NOC3L: variants seen among roughly 807,000 people sequenced by gnomAD.
NOC3L encodes nucleolar complex protein 3 homolog.
In NOC3L, 85 loss-of-function variants were observed where a neutral mutation model predicts 102.5. The observed-to-expected ratio is 0.83, with a 90% CI of 0.70 to 0.99. NOC3L has a LOEUF of 0.99. Ranked by LOEUF, NOC3L falls within the 50% of genes least tolerant of loss-of-function variation. The pLI is 0.00. For missense variants in NOC3L, 878 were observed against 914.9 expected (o/e 0.96, Z 0.52); for synonymous variants, 303 against 309.4 (o/e 0.98, Z 0.22).
At chr10:94,318,987 G>A in the NOC3L span, among the ~76,000 whole-genome samples, 1 of 152,198 alleles carries the variant, frequency 6.6e-6, no homozygotes, top group Non-Finnish European at 1.5e-5. Context: ...GGCAGAGGTT[G>A]CAGTGAGCCA....
chr10:94,322,159 C>A, the NOC3L span: 1 of 1,131,420 alleles, frequency 8.8e-7, no homozygotes, highest in East Asian at 2.4e-5. Context: ...TGAAGTTCCT[C>A]AACAACAGGG....
At chr10:94,334,754 C>CA (rs771851272) in intron 19 of NOC3L, 36 bp from the exon 20 acceptor site, 1 of 1,363,472 alleles carries the variant, frequency 7.3e-7, no homozygotes, top group South Asian at 1.2e-5. Flanking sequence ...AAGATACCAC[C>CA]ACATCTGTGT....
chr10:94,324,390 C>T, the NOC3L span: 2 of 1,614,042 alleles, frequency 1.2e-6, no homozygotes, highest in Admixed American at 3.3e-5. Flanking sequence ...TCCTGAGCAA[C>T]CCCAATCCAA....
downstream of NOC3L, chr10:94,328,991 G>C (rs948011318): frequency 1.3e-5 from 2 of 152,090 alleles, no homozygotes; most frequent in African/African-American, 4.8e-5. Flanking sequence ...TATTTTGCAA[G>C]GTTTGTACTG....
intron 3 of NOC3L, 193 bp from the exon 4 acceptor site, chr10:94,357,524 T>G (rs896448069): frequency 1.0e-5 from 4 of 396,826 alleles, no homozygotes; most frequent in African/African-American, 8.3e-5. Context: ...GTAAACAACC[T>G]ACCATACAAA....
chr10:94,334,494 C>T, intron 20 of NOC3L, 140 bp downstream of exon 20: 1 of 686,486 alleles, frequency 1.5e-6, no homozygotes. Flanking sequence ...GAATTTCAAC[C>T]TCAGAAATCC....
chr10:94,341,431 T>C (rs570763661), intron 14 of NOC3L, among the ~76,000 whole-genome samples: 207 of 139,900 alleles, frequency 1.5e-3, no homozygotes, highest in Middle Eastern at 3.7e-3. Context: ...TGCATCAATT[T>C]AAAAAAAAAA....
In NOC3L at chr10:94,357,156, C is replaced by A; in HGVS notation, c.508+18G>T. ...GGGGGTAAAAGTTCAACTAATATTA[C>A]CAGTTTATTAGACTCACCTGGCTTC... On this transcript the variant is annotated intron_variant, in intron 4 of 20. Coordinates refer to ENST00000371361, the MANE Select transcript of NOC3L (RefSeq NM_022451.11). 2 of 1,477,218 alleles carry A rather than the reference C, an allele frequency of 1.4e-6. No homozygotes were observed. The highest frequency in any genetic ancestry group is 1.5e-5 in the South Asian group (1 of 68,440). The allele number at this position is 1,477,218 out of a possible 1,614,324, so 91.5% of individuals were successfully genotyped here.
Position 94,358,228 on chromosome 10 carries a change from C to T in NOC3L, c.218-13G>A, listed in dbSNP as rs1301656604. ...TCAATCCTTTTACCTGTACCACACA[C>T]ACACACACACAAAGAAAAATTAGAA... On this transcript the variant is annotated splice_polypyrimidine_tract_variant and intron_variant, in intron 2 of 20. Coordinates refer to ENST00000371361, the MANE Select transcript of NOC3L (RefSeq NM_022451.11). 7.3e-6 allele frequency: 9 copies of T among 1,235,520 alleles called. No individual in the cohort carries two copies. Among genetic ancestry groups the T allele is most frequent in the Non-Finnish European group, 1.1e-5 (9 of 851,494 alleles). The allele number at this position is 1,235,520 out of a possible 1,614,324, so 76.5% of individuals were successfully genotyped here. A position where few individuals can be genotyped will look rare whatever the true frequency, so the allele number is the denominator to read the frequency against.
At position 94,355,065 on chromosome 10, in the gene NOC3L, C is replaced by A; in HGVS notation, c.594G>T (p.Leu198=). Residue 198 remains leucine, a synonymous_variant, in exon 6 of 21, where the codon CTG becomes CTT. Transcript: ENST00000371361. ...EEIIEDPIQE[L]TIEEHLIERK... ...TCTCAATCAAATGTTCTTCTATGGT[C>A]AGCTCTTGAATAGGATCTTCAATGA... 6.2e-7 allele frequency: 1 copy of A among 1,612,404 alleles called. No homozygotes were observed. Among genetic ancestry groups the A allele is most frequent in the Non-Finnish European group, 8.5e-7 (1 of 1,179,214 alleles).
chr10:94,333,166 T>C (rs1237563962), downstream of NOC3L: 1 of 152,200 alleles, frequency 6.6e-6, no homozygotes, highest in Non-Finnish European at 1.5e-5. Context: ...TTTCAAACAG[T>C]AAGAGATCTC....
Position 94,344,892 on chromosome 10 carries a change from C to G in NOC3L, c.1431G>C (p.Glu477Asp), listed in dbSNP as rs749318721. Residue 477 changes from glutamate (E) to aspartate (D), a missense_variant, in exon 12 of 21, where the codon GAG becomes GAC. Physicochemically the swap from Glu to Asp is conservative, Grantham distance 45 (BLOSUM62 2). Transcript: ENST00000371361. ...TCTCAGTACTCTCTGAAGCTTCTGC[C>G]TCTCGAAGCTCTCGCTCTAGTTTCT... ...AEEKLERELR[E>D]AEASESTEKK... The G allele has an allele frequency of 6.2e-7, 1 of 1,610,232 alleles. No individual in the cohort carries two copies. Among genetic ancestry groups the G allele is most frequent in the Non-Finnish European group, 8.5e-7 (1 of 1,179,244 alleles).
downstream of NOC3L, chr10:94,332,556 T>C (rs1272963317): frequency 1.3e-5 from 2 of 150,734 alleles, no homozygotes; most frequent in Non-Finnish European, 3.0e-5. Flanking sequence ...TGTTTAAACA[T>C]AAGCTTACAT....
In NOC3L at chr10:94,340,535, T is replaced by C. The variant is rs778747346; in HGVS notation, c.1645-39A>G. On this transcript the variant is annotated intron_variant, in intron 14 of 20. Transcript: ENST00000371361. Reference sequence around the variant, plus strand: ...AGGGGGGGGTGAGGGGGATGGAATATTAAGAATGGTAATTGCCATTTATAG... The same window carrying C: ...AGGGGGGGGTGAGGGGGATGGAATACTAAGAATGGTAATTGCCATTTATAG... 3 of 1,384,112 alleles carry C rather than the reference T, an allele frequency of 2.2e-6. No individual in the cohort carries two copies. The South Asian group carries it at 3.6e-5, about 17-fold the overall frequency. 85.7% of individuals were successfully genotyped at this position (1,384,112 alleles called of 1,614,324 possible). A position where few individuals can be genotyped will look rare whatever the true frequency, so the allele number is the denominator to read the frequency against.
intron 3 of NOC3L, chr10:94,357,800 G>C (rs1402721624): frequency 1.1e-5 from 4 of 369,850 alleles, no homozygotes; most frequent in Admixed American, 4.5e-5. Context: ...AATCATAGCC[G>C]TAGGAACTCA....
the NOC3L span, among the ~76,000 whole-genome samples, chr10:94,326,113 T>A: frequency 2.0e-5 from 3 of 152,130 alleles, no homozygotes; most frequent in African/African-American, 7.2e-5. Context: ...AACCTAAGGG[T>A]TCATTAAAGC....
intron 2 of NOC3L, 51 bp downstream of exon 2, chr10:94,361,614 A>G (rs2054551836): frequency 6.5e-7 from 1 of 1,534,396 alleles, no homozygotes; most frequent in Non-Finnish European, 9.0e-7. Flanking sequence ...CATGAAGAAC[A>G]CTTCAGAATA....
chr10:94,357,046 A>G (rs920969235), intron 4 of NOC3L, 128 bp downstream of exon 4: 7 of 674,322 alleles, frequency 1.0e-5, no homozygotes, highest in African/African-American at 7.4e-5. Flanking sequence ...CAAGCTTGCT[A>G]TAAGACTAAT....
rs2054558003 is a variant in NOC3L, at chr10:94,362,087, A to G, written c.10-215T>C. 3 of 604,222 alleles carry G rather than the reference A, an allele frequency of 5.0e-6. No homozygotes were observed. The South Asian group carries it at 5.2e-5, about 11-fold the overall frequency. 37.4% of individuals were successfully genotyped at this position (604,222 alleles called of 1,614,324 possible). On this transcript the variant is annotated intron_variant, in intron 1 of 20. Coordinates refer to ENST00000371361, the MANE Select transcript of NOC3L (RefSeq NM_022451.11). ...TCAATCCCAATTCACAGCAATTCAA[A>G]GGGTTCTACGATCCCCAAACAGGTT... is the stretch of plus-strand genomic sequence containing the variant.
Sources: gnomAD v4.1 joint callset for allele counts (sites outside exome capture counted in the v4.1 genomes callset) on GRCh38, gnomAD v4.1.1 for gene constraint, MANE v1.5 for transcripts, NCBI Gene and HGNC (gene_info 2026-07-23, HGNC 2026-07-21) for gene names.